The following SNAP91 variants were observed in gnomAD, a reference collection of about 807,000 sequenced individuals.
The protein encoded by SNAP91 is synaptosome associated protein 91.
In SNAP91, 27 loss-of-function variants were observed where a neutral mutation model predicts 100.3. The observed-to-expected ratio is 0.27, with a 90% CI of 0.20 to 0.37. The LOEUF is 0.37. Ranked by LOEUF, SNAP91 falls within the 10% of genes least tolerant of loss-of-function variation. The pLI is 1.00. For missense variants in SNAP91, 986 were observed against 1,123.7 expected, an observed-to-expected ratio of 0.88 and a Z score of 1.75; for synonymous variants, 404 against 398.6, an observed-to-expected ratio of 1.01 and a Z score of -0.16.
intron 8 of SNAP91, among the ~76,000 whole-genome samples, chr6:83,623,719 C>G (rs1191033056): frequency 6.6e-6 from 1 of 151,998 alleles, no homozygotes; most frequent in African/African-American, 2.4e-5. Context: ...TCATTTAGTT[C>G]TAAAACTCAT....
intron 2 of SNAP91, among the ~76,000 whole-genome samples, chr6:83,676,209 A>G (rs935830102): frequency 6.6e-6 from 1 of 152,064 alleles, no homozygotes; most frequent in Admixed American, 6.6e-5. Flanking sequence ...GCACTGTTCT[A>G]TCTATCATCT....
rs1299880963 is a variant in SNAP91, at chr6:83,556,251, G to A, written c.2632-6C>T. The A allele has an allele frequency of 6.8e-7, 1 of 1,469,780 alleles. No individual in the cohort carries two copies. The highest frequency in any genetic ancestry group is 2.1e-5 in the Admixed American group (1 of 48,584). 91.0% of individuals were successfully genotyped at this position (1,469,780 alleles called of 1,614,324 possible). Reference sequence around the variant, plus strand: ...GGTGTAGGGCTTGGAGAAAGCTAATGGGAAAAAGCCAGCCCCAAAGAGCAG... The same window carrying A: ...GGTGTAGGGCTTGGAGAAAGCTAATAGGAAAAAGCCAGCCCCAAAGAGCAG... On this transcript the variant is annotated splice_region_variant and splice_polypyrimidine_tract_variant and intron_variant, in intron 28 of 29. Coordinates refer to ENST00000369694, the MANE Select transcript of SNAP91 (RefSeq NM_001242792.2).
intron 2 of SNAP91, among the ~76,000 whole-genome samples, chr6:83,689,232 A>G (rs998656412): frequency 2.0e-5 from 3 of 152,192 alleles, no homozygotes; most frequent in African/African-American, 7.2e-5. Context: ...AGCAGCCATT[A>G]TGATTCGTGA....
chr6:83,650,968 T>G (rs1305491894), intron 7 of SNAP91, among the ~76,000 whole-genome samples: 1 of 152,226 alleles, frequency 6.6e-6, no homozygotes, highest in African/African-American at 2.4e-5. Flanking sequence ...GTTGTCTATT[T>G]CTTCTTGTAT....
At chr6:83,576,465 CATTCTGCAAGTCTGAA>C (rs893951824) in intron 24 of SNAP91, among the ~76,000 whole-genome samples, 8 of 152,220 alleles carry the variant, frequency 5.3e-5, no homozygotes, top group Non-Finnish European at 1.0e-4. Flanking sequence ...TATCCACTTT[CATTCTGCAAGTCTGAA>C]ATTTTGGCAC....
chr6:83,695,306 A>C (rs2099189731), intron 2 of SNAP91, among the ~76,000 whole-genome samples: 1 of 149,770 alleles, frequency 6.7e-6, no homozygotes, highest in Admixed American at 6.6e-5. Flanking sequence ...AAAAAGAGAA[A>C]AGAAAAAGAA....
chr6:83,596,534 T>C (rs1024270977), intron 16 of SNAP91, among the ~76,000 whole-genome samples: 1 of 152,170 alleles, frequency 6.6e-6, no homozygotes. Flanking sequence ...CAGTCATATA[T>C]ATTGCCATTA....
intron 18 of SNAP91, 33 bp downstream of exon 18, chr6:83,593,445 G>A (rs182302996): frequency 8.0e-5 from 123 of 1,545,966 alleles, no homozygotes; most frequent in South Asian, 8.4e-5. Context: ...TCCACTAGAC[G>A]GAAAGAGGTC....
At chr6:83,574,241 G>A (rs1813930490) in intron 26 of SNAP91, among the ~76,000 whole-genome samples, 1 of 152,160 alleles carries the variant, frequency 6.6e-6, no homozygotes, top group Admixed American at 6.5e-5. Flanking sequence ...GCTTAGTTTT[G>A]CTAAACACAG....
In SNAP91 at chr6:83,556,253, G is replaced by T; in HGVS notation, c.2632-8C>A. ...TGTAGGGCTTGGAGAAAGCTAATGG[G>T]AAAAAGCCAGCCCCAAAGAGCAGGA... On this transcript the variant is annotated splice_region_variant and splice_polypyrimidine_tract_variant and intron_variant, in intron 28 of 29. Transcript: ENST00000369694. The T allele has an allele frequency of 7.0e-7, 1 of 1,427,206 alleles. No individual in the cohort carries two copies. The highest frequency in any genetic ancestry group is 9.4e-7 in the Non-Finnish European group (1 of 1,067,238). 88.4% of individuals were successfully genotyped at this position (1,427,206 alleles called of 1,614,324 possible). A position where few individuals can be genotyped will look rare whatever the true frequency, so the allele number is the denominator to read the frequency against.
intron 26 of SNAP91, among the ~76,000 whole-genome samples, chr6:83,567,097 C>A (rs1050793612): frequency 1.3e-5 from 2 of 152,178 alleles, no homozygotes; most frequent in African/African-American, 4.8e-5. Context: ...TGCCACCACA[C>A]CCAGCTAACT....
intron 2 of SNAP91, among the ~76,000 whole-genome samples, chr6:83,686,476 T>C (rs1012918881): frequency 6.6e-6 from 1 of 152,236 alleles, no homozygotes; most frequent in Non-Finnish European, 1.5e-5. Context: ...AAAGCACTTA[T>C]AAAGATTTGT....
At chr6:83,601,527 C>T (rs531401890) in intron 15 of SNAP91, 58 bp downstream of exon 15, 8 of 1,610,754 alleles carry the variant, frequency 5.0e-6, no homozygotes, top group Middle Eastern at 3.3e-4. Context: ...AAAATAAGGA[C>T]AGTTGTTACA....
chr6:83,641,179 C>A lies in SNAP91; in HGVS notation c.682G>T (p.Gly228Ter). 1 of 1,491,710 alleles carries A rather than the reference C, an allele frequency of 6.7e-7. No homozygotes were observed. The allele number at this position is 1,491,710 out of a possible 1,614,324, so 92.4% of individuals were successfully genotyped here. A position where few individuals can be genotyped will look rare whatever the true frequency, so the allele number is the denominator to read the frequency against. The change falls in exon 8 of 30, where the codon GGA (glycine) becomes TGA (stop). Residue 228 changes from glycine (G) to a stop codon, truncating the protein, a stop_gained. Transcript: ENST00000369694. LOFTEE classifies it high-confidence loss of function. Reference sequence around the variant, plus strand: ...ATTTCTAGAGCATCTTTACATTGTCCTTTCTTCATTTCAAAAAACTTTTCT... The same window carrying A: ...ATTTCTAGAGCATCTTTACATTGTCATTTCTTCATTTCAAAAAACTTTTCT... ...LLEKFFEMKKGQCKDALEIYK... is the reference protein window; with the variant it reads ...LLEKFFEMKK
chr6:83,590,632 T>C (rs2093612981), intron 22 of SNAP91, among the ~76,000 whole-genome samples: 1 of 152,176 alleles, frequency 6.6e-6, no homozygotes, highest in South Asian at 2.1e-4. Flanking sequence ...ACAGTTTCTC[T>C]TGGAGTGATT....
chr6:83,660,699 AC>A (rs1426519425), intron 5 of SNAP91, among the ~76,000 whole-genome samples: 4 of 152,158 alleles, frequency 2.6e-5, no homozygotes, highest in African/African-American at 9.7e-5. Context: ...CTAGAATGAT[AC>A]GTCTCTCAAA....
chr6:83,660,263 T>A, intron 5 of SNAP91, among the ~76,000 whole-genome samples: 1 of 152,170 alleles, frequency 6.6e-6, no homozygotes, highest in Non-Finnish European at 1.5e-5. Flanking sequence ...GAGGAAGGCA[T>A]ATGAACTAGA....
At chr6:83,646,039 G>T (rs915835487) in intron 7 of SNAP91, among the ~76,000 whole-genome samples, 14 of 152,142 alleles carry the variant, frequency 9.2e-5, no homozygotes, top group Non-Finnish European at 1.2e-4. Context: ...TGTTGGTGAG[G>T]TATCAAAGTT....
intron 24 of SNAP91, among the ~76,000 whole-genome samples, chr6:83,579,474 T>G (rs952938717): frequency 2.6e-5 from 4 of 152,212 alleles, no homozygotes; most frequent in Non-Finnish European, 5.9e-5. Flanking sequence ...ACAAAATGTA[T>G]GTCCACAGGC....
Sources: gnomAD v4.1 joint callset for allele counts (sites outside exome capture counted in the v4.1 genomes callset) on GRCh38, gnomAD v4.1.1 for gene constraint, MANE v1.5 for transcripts, NCBI Gene and HGNC (gene_info 2026-07-23, HGNC 2026-07-21) for gene names.